The following SERGEF variants were observed in gnomAD, a reference collection of about 807,000 sequenced individuals.
SERGEF encodes the protein secretion-regulating guanine nucleotide exchange factor.
In SERGEF, 51 loss-of-function variants were observed where a neutral mutation model predicts 50.0. The observed-to-expected ratio is 1.02, with a 90% confidence interval of 0.81 to 1.29. SERGEF has a LOEUF of 1.29. Among genes scored for constraint, SERGEF ranks in the 50% most tolerant of loss-of-function variants. The pLI is 0.00. For synonymous variants in SERGEF, 205 were observed against 212.4 expected, an observed-to-expected ratio of 0.97 and a Z score of 0.30; for missense variants, 521 against 557.0, an observed-to-expected ratio of 0.94 and a Z score of 0.65.
At chr11:17,915,699 C>A (rs1206151308) in intron 9 of SERGEF, among the ~76,000 whole-genome samples, 1 of 152,228 alleles carries the variant, frequency 6.6e-6, no homozygotes, top group East Asian at 1.9e-4. Flanking sequence ...CCTCACGACA[C>A]CTCACTGCCC....
At chr11:18,000,158 G>T (rs971707014) in intron 5 of SERGEF, among the ~76,000 whole-genome samples, 1 of 152,132 alleles carries the variant, frequency 6.6e-6, no homozygotes, top group African/African-American at 2.4e-5. Context: ...TTTAAAAGGC[G>T]GAGGGCAGGC....
At position 17,926,371 on chromosome 11, in the gene SERGEF, T is replaced by C. The variant is rs570099662; in HGVS notation, c.1011+33099A>G. Among the ~76,000 whole-genome samples the C allele has an allele frequency of 2.0e-5, 3 of 152,076 alleles. No individual in the cohort carries two copies. The East Asian group carries it at 5.8e-4, about 30-fold the overall frequency. ...CCTCCACAACCACAGAAGAAGACAGTTCTCACAAGCAGGGCCAGAGGCAGG... is the reference window on the plus strand; with the variant it reads ...CCTCCACAACCACAGAAGAAGACAGCTCTCACAAGCAGGGCCAGAGGCAGG... On this transcript the variant is annotated intron_variant, in intron 9 of 10. Transcript: ENST00000265965.
At chr11:18,007,716 T>C (rs939636346) in intron 2 of SERGEF, among the ~76,000 whole-genome samples, 2 of 136,768 alleles carry the variant, frequency 1.5e-5, no homozygotes, top group African/African-American at 5.0e-5. Context: ...ATTTGTATAA[T>C]GGAGGGGGTG....
intron 10 of SERGEF, among the ~76,000 whole-genome samples, chr11:17,789,408 G>A (rs1246642969): frequency 6.6e-6 from 1 of 152,182 alleles, no homozygotes; most frequent in Admixed American, 6.5e-5. Context: ...TGCTCAACAG[G>A]TGTTTACTGA....
Position 17,995,955 on chromosome 11 carries a change from A to G in SERGEF, c.509-46T>C, listed in dbSNP as rs1290225260. The G allele has an allele frequency of 3.0e-6, 4 of 1,328,722 alleles. No individual in the cohort carries two copies. The East Asian group carries it at 7.0e-5, about 23-fold the overall frequency. 82.3% of individuals were successfully genotyped at this position (1,328,722 alleles called of 1,614,324 possible). Reference sequence around the variant, plus strand: ...GAAAGCAGAGAAGATGCACATCAGGATAAGACTAGATTGCTCTTTGAACCT... The same window carrying G: ...GAAAGCAGAGAAGATGCACATCAGGGTAAGACTAGATTGCTCTTTGAACCT... On this transcript the variant is annotated intron_variant, in intron 5 of 10. Transcript: ENST00000265965.
intron 10 of SERGEF, among the ~76,000 whole-genome samples, chr11:17,828,757 C>A (rs1850245863): frequency 6.6e-6 from 1 of 152,106 alleles, no homozygotes; most frequent in African/African-American, 2.4e-5. Flanking sequence ...AAGAAATGTC[C>A]AACATCTGAT....
At chr11:17,976,387 G>A (rs1439322981) in intron 8 of SERGEF, among the ~76,000 whole-genome samples, 1 of 151,356 alleles carries the variant, frequency 6.6e-6, no homozygotes, top group Non-Finnish European at 1.5e-5. Context: ...CAGGGTTCAA[G>A]TGATTCTCTT....
intron 9 of SERGEF, among the ~76,000 whole-genome samples, chr11:17,907,377 T>G (rs1851867845): frequency 6.6e-6 from 1 of 152,176 alleles, no homozygotes; most frequent in African/African-American, 2.4e-5. Context: ...TCTATTCTAT[T>G]CCATAAAAGA....
intron 10 of SERGEF, among the ~76,000 whole-genome samples, chr11:17,837,726 T>C (rs1044063972): frequency 2.0e-5 from 3 of 150,450 alleles, no homozygotes; most frequent in Non-Finnish European, 4.4e-5. Flanking sequence ...TGTGGCACTG[T>C]CTTGGCTCAC....
chr11:17,789,303 C>A (rs781510565), intron 10 of SERGEF, among the ~76,000 whole-genome samples: 1 of 152,194 alleles, frequency 6.6e-6, no homozygotes, highest in Non-Finnish European at 1.5e-5. Context: ...TGTTTACTGT[C>A]CCCTCTTCAC....
chr11:17,835,870 T>C (rs1188554420), intron 10 of SERGEF, among the ~76,000 whole-genome samples: 1 of 152,218 alleles, frequency 6.6e-6, no homozygotes, highest in Non-Finnish European at 1.5e-5. Flanking sequence ...TGATATTTTA[T>C]TCTGATTAAA....
chr11:17,908,182 G>A lies in SERGEF; in HGVS notation c.1012-29938C>T, dbSNP rs574098164. ...ACTCTTCTACTTCAGATCTTTCAATGGCCCCTCATCACCTTCAGAACAAAA... is the reference window on the plus strand; with the variant it reads ...ACTCTTCTACTTCAGATCTTTCAATAGCCCCTCATCACCTTCAGAACAAAA... On this transcript the variant is annotated intron_variant, in intron 9 of 10. Transcript: ENST00000265965. Among the ~76,000 whole-genome samples the A allele has an allele frequency of 1.1e-4, 17 of 152,066 alleles. No homozygotes were observed. The South Asian group carries it at 2.7e-3, about 24-fold the overall frequency.
intron 4 of SERGEF, among the ~76,000 whole-genome samples, chr11:18,001,591 C>T (rs953907016): frequency 6.6e-6 from 1 of 152,166 alleles, no homozygotes; most frequent in Non-Finnish European, 1.5e-5. Context: ...TCATGAGAGA[C>T]CAGCTAAGCT....
chr11:17,900,441 C>A (rs1851727577), intron 9 of SERGEF, among the ~76,000 whole-genome samples: 2 of 152,320 alleles, frequency 1.3e-5, no homozygotes, highest in South Asian at 4.1e-4. Flanking sequence ...AAAATTTGAT[C>A]ATCTCTTCCA....
chr11:17,957,269 T>C (rs1328589710), intron 9 of SERGEF, among the ~76,000 whole-genome samples: 1 of 152,218 alleles, frequency 6.6e-6, no homozygotes, highest in African/African-American at 2.4e-5. Flanking sequence ...CCACATGGCA[T>C]TAAAAAATTT....
At chr11:17,908,698 C>T (rs1028095044) in intron 9 of SERGEF, among the ~76,000 whole-genome samples, 3 of 152,110 alleles carry the variant, frequency 2.0e-5, no homozygotes, top group Admixed American at 6.5e-5. Context: ...AATAAATGCA[C>T]GTGGGAAACC....
At chr11:17,865,423 CT>C (rs891219644) in intron 10 of SERGEF, among the ~76,000 whole-genome samples, 1 of 151,884 alleles carries the variant, frequency 6.6e-6, no homozygotes, top group Non-Finnish European at 1.5e-5. Context: ...AAAATACCTC[CT>C]AAAAGGCAGG....
chr11:17,788,446 G>C (rs370449817), intron 10 of SERGEF, 33 bp from the exon 11 acceptor site: 8 of 1,551,510 alleles, frequency 5.2e-6, no homozygotes, highest in South Asian at 1.2e-5. Context: ...CTGTAGAAGA[G>C]GTTTTGGATA....
At chr11:17,970,292 G>C in intron 8 of SERGEF, among the ~76,000 whole-genome samples, 1 of 152,118 alleles carries the variant, frequency 6.6e-6, no homozygotes. Context: ...TGTAATCAAT[G>C]ATCATTGATG....
Sources: allele counts gnomAD v4.1 joint callset (sites outside exome capture counted in the v4.1 genomes callset), GRCh38; gene constraint gnomAD v4.1.1; transcripts MANE v1.5; gene names NCBI Gene and HGNC (gene_info 2026-07-23, HGNC 2026-07-21).